The following DCDC1 variants were observed in gnomAD, a reference collection of about 807,000 sequenced individuals.
DCDC1 encodes doublecortin domain containing 1.
Under a neutral mutation model 178.3 loss-of-function variants are expected in DCDC1, and 200 were observed. The observed-to-expected ratio is 1.12, with a 90% CI of 1.00 to 1.26. The LOEUF (loss-of-function observed/expected upper bound fraction) is 1.26. DCDC1 is among the 50% of genes most tolerant of loss of function. The probability of loss-of-function intolerance (pLI) is 0.00; values close to 1 mark genes in which losing one functional copy is unlikely to be tolerated. For missense variants in DCDC1, 1,983 were observed against 1,749.2 expected (o/e 1.13, Z -2.38); for synonymous variants, 690 against 604.8 (o/e 1.14, Z -2.07).
intron 7 of DCDC1, among the ~76,000 whole-genome samples, chr11:31,279,093 T>C (rs1010691369): frequency 6.6e-6 from 1 of 152,156 alleles, no homozygotes; most frequent in African/African-American, 2.4e-5. Flanking sequence ...TCCATGAACA[T>C]GGTATATCTC....
intron 21 of DCDC1, chr11:30,944,445 C>T: frequency 1.0e-5 from 4 of 401,768 alleles, no homozygotes; most frequent in South Asian, 7.5e-5. Flanking sequence ...TTCTGAATGC[C>T]ACAATATGAG....
intron 9 of DCDC1, among the ~76,000 whole-genome samples, chr11:31,151,453 G>A (rs913248167): frequency 3.3e-5 from 5 of 152,032 alleles, no homozygotes; most frequent in African/African-American, 1.2e-4. Context: ...AAAAGAAACT[G>A]GATAAAGATC....
chr11:31,268,039 G>A (rs532911562), intron 7 of DCDC1, among the ~76,000 whole-genome samples: 1 of 152,244 alleles, frequency 6.6e-6, no homozygotes, highest in Non-Finnish European at 1.5e-5. Context: ...TCTACAGTTG[G>A]TCTCATAGAC....
chr11:31,168,717 G>A (rs1373784377), intron 9 of DCDC1, among the ~76,000 whole-genome samples: 1 of 152,092 alleles, frequency 6.6e-6, no homozygotes, highest in Non-Finnish European at 1.5e-5. Context: ...GTATCACTAT[G>A]CCTCAGTTTT....
chr11:31,182,724 T>C (rs208110), intron 9 of DCDC1, among the ~76,000 whole-genome samples: 45,491 of 152,022 alleles, frequency 0.3, 8,280 homozygotes, highest in East Asian at 0.63. Flanking sequence ...AGCATCATAA[T>C]GACAGGATCA....
intron 18 of DCDC1, among the ~76,000 whole-genome samples, chr11:31,070,687 CA>C (rs1348089328): frequency 6.6e-6 from 1 of 152,140 alleles, no homozygotes; most frequent in Non-Finnish European, 1.5e-5. Context: ...TTACCAAATT[CA>C]CTCTCAGGAT....
chr11:31,138,144 A>G (rs1445764085), intron 9 of DCDC1, among the ~76,000 whole-genome samples: 1 of 152,216 alleles, frequency 6.6e-6, no homozygotes, highest in African/African-American at 2.4e-5. Flanking sequence ...TTCATTATGC[A>G]TAGGGAGTAA....
intron 8 of DCDC1, among the ~76,000 whole-genome samples, chr11:31,246,792 G>T (rs1282026889): frequency 1.3e-5 from 2 of 152,012 alleles, no homozygotes; most frequent in Admixed American, 1.3e-4. Context: ...TAAACTAACA[G>T]CTGCTGTGTA....
chr11:31,157,222 TA>T (rs956342649), intron 9 of DCDC1, among the ~76,000 whole-genome samples: 63 of 140,030 alleles, frequency 4.5e-4, no homozygotes, highest in East Asian at 4.3e-3. Context: ...CCACAAAACA[TA>T]AAAAAAAAAA....
intron 9 of DCDC1, among the ~76,000 whole-genome samples, chr11:31,199,371 G>T (rs1203861256): frequency 6.6e-6 from 1 of 152,038 alleles, no homozygotes; most frequent in Non-Finnish European, 1.5e-5. Context: ...AGGAAATTTG[G>T]AGAGGATCAA....
chr11:30,872,763 A>T (rs532171756), intron 38 of DCDC1, among the ~76,000 whole-genome samples: 1 of 152,000 alleles, frequency 6.6e-6, no homozygotes, highest in Non-Finnish European at 1.5e-5. Flanking sequence ...TAAGTATGTC[A>T]CCCCTACCTC....
At chr11:31,146,007 C>T (rs529025131) in intron 9 of DCDC1, among the ~76,000 whole-genome samples, 25 of 152,154 alleles carry the variant, frequency 1.6e-4, no homozygotes, top group Admixed American at 5.9e-4. Context: ...TGAGCTCTCA[C>T]CCACTGGATA....
chr11:30,899,736 C>A, intron 33 of DCDC1, 94 bp from the exon 34 acceptor site: 3 of 877,420 alleles, frequency 3.4e-6, no homozygotes, highest in East Asian at 2.9e-5. Context: ...GAAATAGATT[C>A]AATTAGAAAC....
At chr11:31,159,316 A>T (rs1966073548) in intron 9 of DCDC1, among the ~76,000 whole-genome samples, 1 of 152,208 alleles carries the variant, frequency 6.6e-6, no homozygotes, top group African/African-American at 2.4e-5. Context: ...CCTCTAATCC[A>T]TGTAGGGACA....
At chr11:31,325,057 T>C (rs1168117300) in intron 3 of DCDC1, among the ~76,000 whole-genome samples, 1 of 152,166 alleles carries the variant, frequency 6.6e-6, no homozygotes, top group African/African-American at 2.4e-5. Context: ...TAAAAATCAT[T>C]AAATCACATT....
chr11:30,889,107 G>C (rs273574), intron 36 of DCDC1, among the ~76,000 whole-genome samples: 15,425 of 152,256 alleles, frequency 0.1, 965 homozygotes, highest in Admixed American at 0.19. Flanking sequence ...TGTAGAATTA[G>C]AGAGCTGCTG....
intron 20 of DCDC1, among the ~76,000 whole-genome samples, chr11:31,030,732 A>T (rs1236620755): frequency 6.6e-6 from 1 of 152,178 alleles, no homozygotes; most frequent in Non-Finnish European, 1.5e-5. Flanking sequence ...GCTCCTGCAG[A>T]TCAATTCATA....
intron 9 of DCDC1, among the ~76,000 whole-genome samples, chr11:31,147,868 T>G (rs1307021506): frequency 1.3e-5 from 2 of 152,204 alleles, no homozygotes; most frequent in Non-Finnish European, 2.9e-5. Flanking sequence ...AGGGACAGTC[T>G]CTTTACAGTG....
intron 1 of DCDC1, among the ~76,000 whole-genome samples, chr11:31,348,523 A>G (rs182745584): frequency 7.9e-5 from 12 of 152,336 alleles, no homozygotes; most frequent in African/African-American, 2.9e-4. Context: ...GCATTCCAGC[A>G]GCAAATACCT....
Sources: allele counts gnomAD v4.1 joint callset (sites outside exome capture counted in the v4.1 genomes callset), GRCh38; gene constraint gnomAD v4.1.1; transcripts MANE v1.5; gene names NCBI Gene and HGNC (gene_info 2026-07-23, HGNC 2026-07-21).